Variants in LIMCH1 observed in about 807,000 individuals in gnomAD.
LIMCH1 encodes the protein LIM and calponin homology domains 1, also known as LIM and calponin homology domains-containing protein 1.
Under a neutral mutation model 176.5 loss-of-function variants are expected in LIMCH1, and 113 were observed. The observed-to-expected ratio is 0.64, with a 90% CI of 0.55 to 0.75. LIMCH1 has a LOEUF of 0.75. Ranked by LOEUF, LIMCH1 falls within the 30% of genes least tolerant of loss-of-function variation. LIMCH1 has a pLI of 0.00. For synonymous variants in LIMCH1, 619 were observed against 645.9 expected, an observed-to-expected ratio of 0.96 and a Z score of 0.63; for missense variants, 1,674 against 1,814.9, an observed-to-expected ratio of 0.92 and a Z score of 1.41.
chr4:41,651,483 A>G (rs1240402503), intron 18 of LIMCH1, among the ~76,000 whole-genome samples: 1 of 152,240 alleles, frequency 6.6e-6, no homozygotes, highest in East Asian at 1.9e-4. Flanking sequence ...AACCTGTATC[A>G]TTGGTATAAT....
chr4:41,415,511 A>T (rs887856278), intron 1 of LIMCH1, among the ~76,000 whole-genome samples: 3 of 152,170 alleles, frequency 2.0e-5, no homozygotes, highest in Non-Finnish European at 4.4e-5. Context: ...AGCATGCTGC[A>T]GGAGAAAAAG....
intron 1 of LIMCH1, among the ~76,000 whole-genome samples, chr4:41,394,327 C>A (rs1164102547): frequency 6.6e-6 from 1 of 152,060 alleles, no homozygotes; most frequent in Non-Finnish European, 1.5e-5. Flanking sequence ...ACACTTAAAC[C>A]CTTCCAATGA....
At chr4:41,454,033 T>G (rs1289006268) in intron 1 of LIMCH1, among the ~76,000 whole-genome samples, 1 of 152,156 alleles carries the variant, frequency 6.6e-6, no homozygotes, top group Non-Finnish European at 1.5e-5. Flanking sequence ...ATCACTGCTT[T>G]GGAGAAGCCT....
Position 41,699,821 on chromosome 4 carries a change from G to A in LIMCH1, c.*2636G>A, listed in dbSNP as rs1228154121. 6.6e-6 allele frequency: 1 copy of A among 152,098 alleles called. No individual in the cohort carries two copies. Among genetic ancestry groups the A allele is most frequent in the Non-Finnish European group, 1.5e-5 (1 of 68,024 alleles). 9.4% of individuals were successfully genotyped at this position (152,098 alleles called of 1,614,324 possible). ...CATATTATAGTTATCTATACACAGT[G>A]TAAGATTTAACAAACTGAAATGATC... is the stretch of plus-strand genomic sequence containing the variant. On this transcript the variant is annotated 3_prime_UTR_variant, in exon 32 of 32. Transcript: ENST00000503057.
At chr4:41,530,110 A>AGGT (rs2077100924) in intron 3 of LIMCH1, among the ~76,000 whole-genome samples, 1 of 152,258 alleles carries the variant, frequency 6.6e-6, no homozygotes, top group Admixed American at 6.5e-5. Context: ...ACATCAGAAC[A>AGGT]GTTGCCATTT....
upstream of LIMCH1, among the ~76,000 whole-genome samples, chr4:41,534,302 A>G (rs568960354): frequency 6.6e-6 from 1 of 152,344 alleles, no homozygotes; most frequent in South Asian, 2.1e-4. Context: ...AAAGCTGCCA[A>G]TTCAATGATG....
intron 1 of LIMCH1, among the ~76,000 whole-genome samples, chr4:41,412,086 A>G (rs1490826770): frequency 6.6e-6 from 1 of 152,134 alleles, no homozygotes; most frequent in Non-Finnish European, 1.5e-5. Context: ...GCTATGTCCA[A>G]CTAAGTTCCC....
intron 1 of LIMCH1, among the ~76,000 whole-genome samples, chr4:41,595,478 G>A (rs1286431715): frequency 6.6e-6 from 1 of 152,094 alleles, no homozygotes; most frequent in Non-Finnish European, 1.5e-5. Flanking sequence ...TGACTGGTAT[G>A]GTATATAACC....
chr4:41,454,825 C>G (rs2154149091), intron 1 of LIMCH1, among the ~76,000 whole-genome samples: 1 of 152,212 alleles, frequency 6.6e-6, no homozygotes, highest in South Asian at 2.1e-4. Context: ...ATCCAATGCT[C>G]AGTGGTGAGA....
intron 1 of LIMCH1, among the ~76,000 whole-genome samples, chr4:41,430,084 CA>C (rs2061461158): frequency 6.6e-6 from 1 of 152,076 alleles, no homozygotes; most frequent in African/African-American, 2.4e-5. Flanking sequence ...ATTCCTAATA[CA>C]GTATAGACGT....
At chr4:41,604,041 A>C in intron 3 of LIMCH1, 136 bp downstream of exon 3, 1 of 903,980 alleles carries the variant, frequency 1.1e-6, no homozygotes, top group Non-Finnish European at 1.6e-6. Flanking sequence ...ATAGTTAATG[A>C]CCATGATAGA....
In LIMCH1 at chr4:41,606,036, C is replaced by T. The variant is rs778059419; in HGVS notation, c.9+32C>T. 70 of 1,448,116 alleles carry T rather than the reference C, an allele frequency of 4.8e-5. No homozygotes were observed. In the East Asian group the frequency reaches 1.1e-3, roughly 23 times the overall value. The allele number at this position is 1,448,116 out of a possible 1,614,324, so 89.7% of individuals were successfully genotyped here. A position where few individuals can be genotyped will look rare whatever the true frequency, so the allele number is the denominator to read the frequency against. ...TGGCTTTTCTTCTTTATCCCATAAGCGTTAGACAAGGTGGGAAAGCTACAC... is the reference window on the plus strand; with the variant it reads ...TGGCTTTTCTTCTTTATCCCATAAGTGTTAGACAAGGTGGGAAAGCTACAC... On this transcript the variant is annotated intron_variant, in intron 4 of 31. Coordinates refer to ENST00000503057, the MANE Select transcript of LIMCH1 (RefSeq NM_001330672.2).
intron 1 of LIMCH1, among the ~76,000 whole-genome samples, chr4:41,492,452 G>A (rs372741763): frequency 2.0e-5 from 3 of 151,884 alleles, no homozygotes; most frequent in Non-Finnish European, 4.4e-5. Context: ...GGGAGGGGGA[G>A]GGGGAGGGGG....
At chr4:41,595,072 A>C (rs143067404) in intron 1 of LIMCH1, among the ~76,000 whole-genome samples, 1 of 152,212 alleles carries the variant, frequency 6.6e-6, no homozygotes, top group Non-Finnish European at 1.5e-5. Flanking sequence ...CTCATGGGGT[A>C]AAGGGTTTAT....
At position 41,661,506 on chromosome 4, in the gene LIMCH1, A is replaced by G. The variant is rs769357471; in HGVS notation, c.3123A>G (p.Ser1041=). 1.2e-6 allele frequency: 2 copies of G among 1,603,936 alleles called. No individual in the cohort carries two copies. Among genetic ancestry groups the G allele is most frequent in the Non-Finnish European group, 1.7e-6 (2 of 1,171,608 alleles). ...GAAAAGGGAATATAGAACTTGCCTC[A>G]TCAGGTTTGTTTCATAAGAGACTAG... The part of the protein sequence containing the change: ...KSRKGNIELA[S]SEPQHFTTTV... The change falls in exon 19 of 32, where the codon TCA becomes TCG. Residue 1041 remains serine (S), a synonymous_variant. Transcript: ENST00000503057.
chr4:41,580,209 G>A (rs2085185977), intron 1 of LIMCH1, among the ~76,000 whole-genome samples: 1 of 152,068 alleles, frequency 6.6e-6, no homozygotes, highest in Non-Finnish European at 1.5e-5. Flanking sequence ...CATGGTCAGT[G>A]TATAAAAATA....
At chr4:41,445,100 G>C (rs1315047072) in intron 1 of LIMCH1, among the ~76,000 whole-genome samples, 1 of 149,938 alleles carries the variant, frequency 6.7e-6, no homozygotes, top group East Asian at 2.0e-4. Flanking sequence ...CCACCTCCCA[G>C]GTTCAAGCAA....
At chr4:41,571,995 A>T (rs185986625) in intron 1 of LIMCH1, among the ~76,000 whole-genome samples, 25 of 152,342 alleles carry the variant, frequency 1.6e-4, no homozygotes, top group African/African-American at 5.8e-4. Flanking sequence ...TTAATCTCCA[A>T]TGATTTCTAC....
At chr4:41,617,690 T>G (rs1251081587) in intron 5 of LIMCH1, among the ~76,000 whole-genome samples, 1 of 152,250 alleles carries the variant, frequency 6.6e-6, no homozygotes, top group Non-Finnish European at 1.5e-5. Context: ...ACAACTTGTT[T>G]ATGGTCAATG....
Sources: gnomAD v4.1 joint callset for allele counts (sites outside exome capture counted in the v4.1 genomes callset) on GRCh38, gnomAD v4.1.1 for gene constraint, MANE v1.5 for transcripts, NCBI Gene and HGNC (gene_info 2026-07-23, HGNC 2026-07-21) for gene names.